Variants in ARL10 observed in about 807,000 individuals in gnomAD.
The protein encoded by ARL10 is ADP-ribosylation factor-like protein 10.
A neutral mutation model predicts 26.1 loss-of-function variants in ARL10; 23 were observed. The observed-to-expected ratio is 0.88, with a 90% CI of 0.63 to 1.25. The LOEUF (loss-of-function observed/expected upper bound fraction) is 1.25. Ranked by LOEUF, ARL10 falls within the 50% of genes most tolerant of loss-of-function variation. The pLI is 0.00. For synonymous variants in ARL10, 138 were observed against 149.1 expected (o/e 0.93, Z 0.54); for missense variants, 300 against 323.6 (o/e 0.93, Z 0.56).
rs1389253152 is a variant in ARL10 at position 176,374,872 on chromosome 5, G to C, written c.*2977G>C. The C allele has an allele frequency of 6.6e-6, 1 of 152,190 alleles. No homozygotes were observed. Among genetic ancestry groups the C allele is most frequent in the East Asian group, 1.9e-4 (1 of 5,198 alleles). The allele number at this position is 152,190 out of a possible 1,614,324, so 9.4% of individuals were successfully genotyped here. ...CACATTATGTGTTCCTTTTCCCTGA[G>C]AAATATCCTTGATGTGTTTGGTGGC... On this transcript the variant is annotated 3_prime_UTR_variant, in exon 4 of 4. Transcript: ENST00000310389.
At chr5:176,383,867 A>G (rs556356176), downstream of ARL10, 480 of 1,079,622 alleles carry the variant, frequency 4.4e-4, no homozygotes, top group Non-Finnish European at 5.6e-4. Flanking sequence ...ATGGCCTCTC[A>G]GCCCCGGTAG....
downstream of ARL10, chr5:176,386,667 A>G (rs1383678881): frequency 7.1e-6 from 5 of 709,206 alleles, no homozygotes; most frequent in Non-Finnish European, 1.3e-5. Flanking sequence ...TAGTCAGTAC[A>G]ATGAAAAATG....
chr5:176,385,530 C>CTG (rs1755774236), downstream of ARL10, among the ~76,000 whole-genome samples: 1 of 152,168 alleles, frequency 6.6e-6, no homozygotes, highest in Non-Finnish European at 1.5e-5. Context: ...TCCTATGACC[C>CTG]ACTCATCTAC....
At chr5:176,410,142 C>T in the ARL10 span, 22 of 888,828 alleles carry the variant, frequency 2.5e-5, no homozygotes, top group African/African-American at 3.2e-4. Context: ...CACCCCAATG[C>T]ATCAGACATA....
intron 1 of ARL10, among the ~76,000 whole-genome samples, chr5:176,400,543 G>A (rs551591477): frequency 6.6e-6 from 1 of 152,302 alleles, no homozygotes; most frequent in Non-Finnish European, 1.5e-5. Context: ...TCACAAGGGT[G>A]TGGCACCCTC....
At chr5:176,389,029 G>A (rs1247496285), downstream of ARL10, 48 of 1,594,114 alleles carry the variant, frequency 3.0e-5, no homozygotes, top group South Asian at 2.6e-4. Context: ...CGGAGGGAAG[G>A]AAGTAGAGAA....
At chr5:176,408,889 C>T in the ARL10 span, among the ~76,000 whole-genome samples, 1 of 152,202 alleles carries the variant, frequency 6.6e-6, no homozygotes, top group Non-Finnish European at 1.5e-5. Flanking sequence ...AAAGTGAATG[C>T]CCCTTTCTTA....
rs868492666 is a variant in ARL10 at position 176,397,764 on chromosome 5, C to T, written c.134-3977C>T. On this transcript the variant is annotated intron_variant, in intron 1 of 1. Transcript: ENST00000514533. ...GAGTGGCTGCTTTCCAGCTGGGATG[C>T]ACAGGCCCGGCCGCGCTCCTCCCCT... The T allele has an allele frequency of 8.2e-6, 13 of 1,579,730 alleles. 1 individual carries two copies. The African/African-American group carries it at 1.3e-4, about 16-fold the overall frequency.
At chr5:176,366,015 G>A (rs1050941481) in intron 1 of ARL10, among the ~76,000 whole-genome samples, 15 of 152,192 alleles carry the variant, frequency 9.9e-5, no homozygotes, top group African/African-American at 3.4e-4. Flanking sequence ...AGCGGGGGCC[G>A]GAGTTTGGAG....
chr5:176,371,781 C>G lies in ARL10; in HGVS notation c.621C>G (p.Ile207Met). The G allele has an allele frequency of 6.2e-7, 1 of 1,614,216 alleles. No homozygotes were observed. The highest frequency in any genetic ancestry group is 8.5e-7 in the Non-Finnish European group (1 of 1,180,046). The change falls in exon 4 of 4, where the codon ATC becomes ATG. Residue 207 changes from isoleucine (I) to methionine (M), a missense_variant. By Grantham distance (10) the Ile-to-Met change is conservative (BLOSUM62 1). Transcript: ENST00000310389. Reference protein sequence around the residue: ...ELQRELGLQAIDNQREVFLLA... With the variant: ...ELQRELGLQAMDNQREVFLLA... Reference sequence around the variant, plus strand: ...AGCGGGAGCTGGGTCTACAGGCTATCGATAACCAGCGGGAGGTTTTCCTCT... The same window carrying G: ...AGCGGGAGCTGGGTCTACAGGCTATGGATAACCAGCGGGAGGTTTTCCTCT...
At chr5:176,410,421 C>G in the ARL10 span, 1 of 728,726 alleles carries the variant, frequency 1.4e-6, no homozygotes, top group Non-Finnish European at 2.4e-6. Flanking sequence ...TATCGACCCA[C>G]ATGCAAACAG....
the ARL10 span, chr5:176,410,134 C>A: frequency 1.4e-5 from 12 of 833,748 alleles, no homozygotes; most frequent in East Asian, 2.8e-4. Flanking sequence ...TATGTTTCCA[C>A]CCCAATGCAT....
At chr5:176,388,444 C>T in exon 2 of ARL10, 1 of 1,614,188 alleles carries the variant, frequency 6.2e-7, no homozygotes, top group Non-Finnish European at 8.5e-7. Flanking sequence ...ATTCGATCCG[C>T]GGCGCTGCCT....
chr5:176,399,761 G>A (rs1478053488), intron 1 of ARL10, among the ~76,000 whole-genome samples: 3 of 151,384 alleles, frequency 2.0e-5, no homozygotes, highest in South Asian at 4.2e-4. Flanking sequence ...CAGGTGTAAT[G>A]GCTGCTTAGG....
chr5:176,388,887 G>A (rs140813394), downstream of ARL10: 2 of 1,614,196 alleles, frequency 1.2e-6, no homozygotes, highest in South Asian at 2.2e-5. Context: ...GTCATTGAGG[G>A]GCTGAGCCCC....
At chr5:176,406,508 T>C (rs1445693753), downstream of ARL10, 1 of 1,234,520 alleles carries the variant, frequency 8.1e-7, no homozygotes. Flanking sequence ...CTGATTCCTC[T>C]AAGAAGCTAA....
chr5:176,390,214 G>A (rs1324815114), downstream of ARL10, among the ~76,000 whole-genome samples: 2 of 147,566 alleles, frequency 1.4e-5, no homozygotes, highest in Non-Finnish European at 1.5e-5. Context: ...GAATCTCAAG[G>A]TCACTCCTTG....
chr5:176,388,276 C>T, intron 1 of ARL10: 1 of 1,614,154 alleles, frequency 6.2e-7, no homozygotes, highest in South Asian at 1.1e-5. Flanking sequence ...GGGTCCACAG[C>T]CAACCCCATC....
At chr5:176,412,433 G>A in the ARL10 span, among the ~76,000 whole-genome samples, 4 of 152,130 alleles carry the variant, frequency 2.6e-5, no homozygotes, top group Admixed American at 6.5e-5. Flanking sequence ...GCTCCAGCAC[G>A]GAATGGGTGA....
Sources: allele counts gnomAD v4.1 joint callset (sites outside exome capture counted in the v4.1 genomes callset), GRCh38; gene constraint gnomAD v4.1.1; transcripts MANE v1.5; gene names NCBI Gene and HGNC (gene_info 2026-07-23, HGNC 2026-07-21).